COL15A1: variants seen among roughly 807,000 people sequenced by gnomAD.
The protein encoded by COL15A1 is collagen type XV alpha 1 chain.
COL15A1 carries 111 observed loss-of-function variants against 165.9 expected under a neutral mutation model. The ratio of observed to expected loss-of-function variants is 0.67; its 90% CI spans 0.57 to 0.78. COL15A1 has a LOEUF of 0.78. Among genes scored for constraint, COL15A1 ranks in the 30% least tolerant of loss-of-function variants. The pLI is 0.00. For synonymous variants in COL15A1, 659 were observed against 674.8 expected, an observed-to-expected ratio of 0.98 and a Z score of 0.36; for missense variants, 1,745 against 1,789.7, an observed-to-expected ratio of 0.98 and a Z score of 0.45.
chr9:99,062,404 C>A, intron 38 of COL15A1, 100 bp downstream of exon 38: 1 of 884,568 alleles, frequency 1.1e-6, no homozygotes, highest in South Asian at 1.3e-5. Context: ...TCTGGACAGT[C>A]AGCTGTGCAC....
intron 21 of COL15A1, among the ~76,000 whole-genome samples, chr9:99,037,653 G>A (rs1044815853): frequency 6.6e-6 from 1 of 152,222 alleles, no homozygotes; most frequent in African/African-American, 2.4e-5. Context: ...GAGAAGGGCT[G>A]TAACAGAGCT....
At chr9:99,023,503 CCA>C in intron 14 of COL15A1, 54 bp downstream of exon 14, 1 of 866,600 alleles carries the variant, frequency 1.2e-6, no homozygotes, top group African/African-American at 1.7e-5. Context: ...CAAAATAACC[CCA>C]GAGGGAGGGA....
At chr9:98,948,189 GAAGA>G (rs1002101730) in intron 2 of COL15A1, among the ~76,000 whole-genome samples, 7 of 152,160 alleles carry the variant, frequency 4.6e-5, no homozygotes, top group Non-Finnish European at 4.4e-5. Flanking sequence ...TAGTTCACAG[GAAGA>G]AAGAAAGGGC....
In COL15A1 at chr9:99,069,985, T is replaced by TC; in HGVS notation, c.*99_*100insC. On this transcript the variant is annotated 3_prime_UTR_variant, in exon 42 of 42. Transcript: ENST00000375001. Reference sequence around the variant, plus strand: ...TTAATTGTTGTAAATATTACAGTTTTTTTTTTTTACTACATATTCTTTACA... The same window carrying TC: ...TTAATTGTTGTAAATATTACAGTTTTCTTTTTTTTACTACATATTCTTTACA... The TC allele has an allele frequency of 3.0e-6, 3 of 1,010,268 alleles. No individual in the cohort carries two copies. Among genetic ancestry groups the TC allele is most frequent in the South Asian group, 1.7e-5 (1 of 57,356 alleles). 62.6% of individuals were successfully genotyped at this position (1,010,268 alleles called of 1,614,324 possible).
chr9:99,064,372 T>C (rs907567294), intron 39 of COL15A1, among the ~76,000 whole-genome samples: 1 of 152,184 alleles, frequency 6.6e-6, no homozygotes, highest in Admixed American at 6.5e-5. Flanking sequence ...CATTTTCTAT[T>C]GTGCTGCTAT....
rs748399210 is a variant in COL15A1, at chr9:98,944,180, C to T, written c.30C>T (p.Cys10=). 4 of 1,614,022 alleles carry T rather than the reference C, an allele frequency of 2.5e-6. No homozygotes were observed. The Admixed American group carries it at 6.7e-5, about 27-fold the overall frequency. Residue 10 remains cysteine (C), a synonymous_variant, in exon 2 of 42, where the codon TGC becomes TGT. Coordinates refer to ENST00000375001, the MANE Select transcript of COL15A1 (RefSeq NM_001855.5). ...CTTGCAGGAGGAACAACGGGCAGTG[C>T]TGGTGTCTGCTGATGCTGCTCTCGG... The part of the protein sequence containing the change: MAPRRNNGQ[C]WCLLMLLSVS...
rs141237812 is a variant in COL15A1, at chr9:99,053,796, C to G, written c.2951-780C>G. 7.4e-3 allele frequency among the ~76,000 whole-genome samples: 1,123 copies of G among 151,828 alleles called. 12 individuals are homozygous for G. Among genetic ancestry groups the G allele is most frequent in the African/African-American group, 0.026 (1,079 of 41,356 alleles). On this transcript the variant is annotated intron_variant, in intron 31 of 41. Transcript: ENST00000375001. ...TCCCCTTCATTGAGAAAGCCTGAGT[C>G]GCTAGCCTCATCTACACTTTGTGGC...
chr9:99,052,949 C>T (rs540692927), intron 31 of COL15A1, among the ~76,000 whole-genome samples: 48 of 152,360 alleles, frequency 3.2e-4, no homozygotes, highest in African/African-American at 1.0e-3. Flanking sequence ...AAATGCAGAA[C>T]TTCAGGCCCC....
chr9:99,069,963 A>T lies in COL15A1; in HGVS notation c.*77A>T. The T allele has an allele frequency of 8.5e-7, 1 of 1,174,038 alleles. No individual in the cohort carries two copies. The highest frequency in any genetic ancestry group is 1.2e-6 in the Non-Finnish European group (1 of 842,552). 72.7% of individuals were successfully genotyped at this position (1,174,038 alleles called of 1,614,324 possible). A position where few individuals can be genotyped will look rare whatever the true frequency, so the allele number is the denominator to read the frequency against. On this transcript the variant is annotated 3_prime_UTR_variant, in exon 42 of 42. Transcript: ENST00000375001. Reference sequence around the variant, plus strand: ...TTGACACTGAAATCTAAAATGTTTAATTGTTGTAAATATTACAGTTTTTTT... The same window carrying T: ...TTGACACTGAAATCTAAAATGTTTATTTGTTGTAAATATTACAGTTTTTTT...
At chr9:99,024,432 C>T (rs1263828286) in intron 14 of COL15A1, among the ~76,000 whole-genome samples, 4 of 151,888 alleles carry the variant, frequency 2.6e-5, no homozygotes, top group East Asian at 1.9e-4. Context: ...CTACAGGTGC[C>T]GGCCACCACG....
At position 99,038,662 on chromosome 9, in the gene COL15A1, T is replaced by A. The variant is rs1839347156; in HGVS notation, c.2410-6T>A. 2 of 1,584,646 alleles carry A rather than the reference T, an allele frequency of 1.3e-6. No individual in the cohort carries two copies. The highest frequency in any genetic ancestry group is 1.7e-6 in the Non-Finnish European group (2 of 1,153,382). ...TGTCCTCATTGTCTGATTTTTCTCTTTTCAGTCCTTGATCAATATCACCCA... is the reference window on the plus strand; with the variant it reads ...TGTCCTCATTGTCTGATTTTTCTCTATTCAGTCCTTGATCAATATCACCCA... On this transcript the variant is annotated splice_region_variant and splice_polypyrimidine_tract_variant and intron_variant, in intron 21 of 41. Transcript: ENST00000375001.
intron 40 of COL15A1, among the ~76,000 whole-genome samples, chr9:99,067,761 C>A (rs1588542775): frequency 6.6e-6 from 1 of 152,178 alleles, no homozygotes; most frequent in Non-Finnish European, 1.5e-5. Context: ...TCCACCTCCT[C>A]TCCCAGAATT....
chr9:99,002,860 AT>A (rs1321426612), intron 7 of COL15A1, among the ~76,000 whole-genome samples: 1 of 152,218 alleles, frequency 6.6e-6, no homozygotes, highest in African/African-American at 2.4e-5. Flanking sequence ...AAAGAACCAC[AT>A]TTTTGCAATA....
chr9:98,961,616 G>A (rs12237478), intron 2 of COL15A1, among the ~76,000 whole-genome samples: 62,050 of 151,974 alleles, frequency 0.41, 13,711 homozygotes, highest in East Asian at 0.59. Context: ...TGAAAGCAGG[G>A]CCTTCGCCCA....
rs368970744 is a variant in COL15A1 at position 99,068,537 on chromosome 9, G to A, written c.3838-18G>A. On this transcript the variant is annotated intron_variant, in intron 40 of 41. Coordinates refer to ENST00000375001, the MANE Select transcript of COL15A1 (RefSeq NM_001855.5). ...GCTGATGGTATAATGATTCTAATGT[G>A]GTATTTTGTCTCTATAGGGCCAAGT... 4.1e-5 allele frequency: 44 copies of A among 1,069,698 alleles called. No homozygotes were observed. Among genetic ancestry groups the A allele is most frequent in the Non-Finnish European group, 5.7e-5 (43 of 754,302 alleles). 66.3% of individuals were successfully genotyped at this position (1,069,698 alleles called of 1,614,324 possible).
chr9:99,058,799 C>T (rs924084032), intron 35 of COL15A1, among the ~76,000 whole-genome samples: 1 of 152,126 alleles, frequency 6.6e-6, no homozygotes, highest in Non-Finnish European at 1.5e-5. Context: ...GATCCAAATC[C>T]GAGTCCACTG....
rs181235312 is a variant in COL15A1, at chr9:99,061,374, G to A, written c.3403-597G>A. Reference sequence around the variant, plus strand: ...CAATAGATTTTTGTAGCTTCTGTATGTGCTTCTAGATATGCCAAATGGCTG... The same window carrying A: ...CAATAGATTTTTGTAGCTTCTGTATATGCTTCTAGATATGCCAAATGGCTG... On this transcript the variant is annotated intron_variant, in intron 36 of 41. Transcript: ENST00000375001. 7.4e-4 allele frequency among the ~76,000 whole-genome samples: 113 copies of A among 152,330 alleles called. No homozygotes were observed. The South Asian group carries it at 0.011, about 15-fold the overall frequency.
intron 39 of COL15A1, among the ~76,000 whole-genome samples, chr9:99,066,252 G>A (rs1825888938): frequency 6.6e-6 from 1 of 152,178 alleles, no homozygotes; most frequent in African/African-American, 2.4e-5. Flanking sequence ...ATAGACTACG[G>A]ATTGGTTTTT....
rs1183177133 is a variant in COL15A1, at chr9:99,015,570, A to T, written c.1503+4A>T. 1 of 1,613,154 alleles carries T rather than the reference A, an allele frequency of 6.2e-7. No homozygotes were observed. The highest frequency in any genetic ancestry group is 1.7e-5 in the Admixed American group (1 of 59,954). On this transcript the variant is annotated splice_donor_region_variant and intron_variant, in intron 10 of 41. Coordinates refer to ENST00000375001, the MANE Select transcript of COL15A1 (RefSeq NM_001855.5). Reference sequence around the variant, plus strand: ...CCCTGAGCGGGCAGTCACTTCTGTAAGTGTCATCTTGTGTCCTCTCTGGCT... The same window carrying T: ...CCCTGAGCGGGCAGTCACTTCTGTATGTGTCATCTTGTGTCCTCTCTGGCT...
Sources: allele counts gnomAD v4.1 joint callset (sites outside exome capture counted in the v4.1 genomes callset), GRCh38; gene constraint gnomAD v4.1.1; transcripts MANE v1.5; gene names NCBI Gene and HGNC (gene_info 2026-07-23, HGNC 2026-07-21).